Variants in ZBTB44 observed in about 807,000 individuals in gnomAD.
The protein encoded by ZBTB44 is zinc finger and BTB domain-containing protein 44.
In ZBTB44, 15 loss-of-function variants were observed where a neutral mutation model predicts 54.0. That is an observed-to-expected ratio of 0.28 (90% confidence interval 0.19 to 0.43). ZBTB44 has a LOEUF of 0.43. Ranked by LOEUF, ZBTB44 falls within the 20% of genes least tolerant of loss-of-function variation. The probability of loss-of-function intolerance (pLI) is 1.00; values close to 1 mark genes in which losing one functional copy is unlikely to be tolerated. For synonymous variants in ZBTB44, 230 were observed against 250.1 expected, an observed-to-expected ratio of 0.92 and a Z score of 0.76; for missense variants, 487 against 707.1, an observed-to-expected ratio of 0.69 and a Z score of 3.53.
intron 1 of ZBTB44, chr11:130,296,572 T>C (rs1941664789): frequency 3.2e-6 from 3 of 934,338 alleles, no homozygotes; most frequent in South Asian, 1.3e-5. Flanking sequence ...CTAAGGAATA[T>C]ATTCATCGTG....
chr11:130,244,772 G>A (rs1024423757), intron 2 of ZBTB44, among the ~76,000 whole-genome samples: 1 of 151,792 alleles, frequency 6.6e-6, no homozygotes, highest in Non-Finnish European at 1.5e-5. Context: ...ATGAACATAC[G>A]GGATGAAATT....
At chr11:130,281,634 A>G (rs960256278) in intron 1 of ZBTB44, among the ~76,000 whole-genome samples, 2 of 151,566 alleles carry the variant, frequency 1.3e-5, no homozygotes, top group African/African-American at 4.9e-5. Context: ...TCACTCTGTC[A>G]CCCCGGCTAG....
At chr11:130,262,650 C>G (rs1371330411) in intron 1 of ZBTB44, among the ~76,000 whole-genome samples, 4 of 151,852 alleles carry the variant, frequency 2.6e-5, no homozygotes, top group African/African-American at 9.7e-5. Context: ...ACTGAACAAT[C>G]CATTACATAA....
intron 1 of ZBTB44, among the ~76,000 whole-genome samples, chr11:130,278,728 T>C (rs1940289234): frequency 6.6e-6 from 1 of 152,208 alleles, no homozygotes. Context: ...TAGTGAATTT[T>C]CGGTTAATTA....
intron 3 of ZBTB44, chr11:130,239,567 T>C (rs796732967): frequency 7.2e-6 from 2 of 276,186 alleles, no homozygotes; most frequent in East Asian, 7.9e-5. Flanking sequence ...GGTTCATAGT[T>C]TGCCAACACT....
At chr11:130,255,816 A>G (rs113293000) in intron 2 of ZBTB44, among the ~76,000 whole-genome samples, 4 of 151,596 alleles carry the variant, frequency 2.6e-5, no homozygotes, top group African/African-American at 7.3e-5. Flanking sequence ...TCCTGGACAT[A>G]TACACCCTCC....
At chr11:130,246,437 T>G (rs1954653041) in intron 2 of ZBTB44, among the ~76,000 whole-genome samples, 1 of 152,166 alleles carries the variant, frequency 6.6e-6, no homozygotes, top group Non-Finnish European at 1.5e-5. Flanking sequence ...GGTCAGACAC[T>G]TTTCACCTTG....
intron 2 of ZBTB44, among the ~76,000 whole-genome samples, chr11:130,250,530 T>TC (rs1256829398): frequency 6.6e-6 from 1 of 152,038 alleles, no homozygotes; most frequent in Non-Finnish European, 1.5e-5. Context: ...ACAGGAGAGC[T>TC]CCGGCTGGCA....
In ZBTB44 at chr11:130,261,638, A is replaced by G. The variant is rs777932897; in HGVS notation, c.236T>C (p.Val79Ala). The change falls in exon 2 of 8, where the codon GTG becomes GCG. Residue 79 changes from valine (V) to alanine (A), a missense_variant. By Grantham distance (64) the Val-to-Ala change is moderately conservative. Around this residue, in one of 3 missense-constraint regions of ZBTB44, gnomAD observed 90 missense variants for 160.3 expected, o/e 0.56. Coordinates refer to ENST00000357899, the MANE Select transcript of ZBTB44 (RefSeq NM_001301098.2). This position sits in a 1 kb window ranked among gnomAD's most constrained non-coding sequence, Gnocchi z 4.8. ...TTCTAAAAGAGGTATAAAGCCAGTCACTGTAACATGATGCAGATCCAACAC... is the reference window on the plus strand; with the variant it reads ...TTCTAAAAGAGGTATAAAGCCAGTCGCTGTAACATGATGCAGATCCAACAC... ...KNVLDLHHVT[V>A]TGFIPLLEYA... 6.2e-7 allele frequency: 1 copy of G among 1,614,034 alleles called. No homozygotes were observed. The highest frequency in any genetic ancestry group is 8.5e-7 in the Non-Finnish European group (1 of 1,179,894).
At chr11:130,299,383 G>C (rs973052872) in intron 1 of ZBTB44, among the ~76,000 whole-genome samples, 1 of 151,818 alleles carries the variant, frequency 6.6e-6, no homozygotes, top group African/African-American at 2.4e-5. Context: ...AAGGAAACTG[G>C]AATATATTTT....
In ZBTB44 at chr11:130,314,605, T is replaced by C. The variant is rs1592098773; in HGVS notation, c.-287A>G. The C allele has an allele frequency of 7.3e-6, 1 of 136,384 alleles. No individual in the cohort carries two copies. The allele number at this position is 136,384 out of a possible 1,614,324, so 8.4% of individuals were successfully genotyped here. A position where few individuals can be genotyped will look rare whatever the true frequency, so the allele number is the denominator to read the frequency against. ...GCACAGCCACCGGCGTGCCCGCGAG[T>C]GGGAGTGCGAGGAGGCGGGGAGGGA... is the stretch of plus-strand genomic sequence containing the variant. On this transcript the variant is annotated 5_prime_UTR_variant, in exon 1 of 8. Coordinates refer to ENST00000357899, the MANE Select transcript of ZBTB44 (RefSeq NM_001301098.2).
intron 1 of ZBTB44, among the ~76,000 whole-genome samples, chr11:130,292,537 T>C (rs1271779677): frequency 6.6e-6 from 1 of 152,134 alleles, no homozygotes; most frequent in Non-Finnish European, 1.5e-5. Context: ...AAAAAATAAA[T>C]AAAAGTGTGC....
chr11:130,239,997 C>A (rs1334882140), intron 2 of ZBTB44, 101 bp from the exon 3 acceptor site: 2 of 723,914 alleles, frequency 2.8e-6, no homozygotes, highest in Non-Finnish European at 2.3e-6. Context: ...CATATATTAT[C>A]TAGTGTTCAT....
At chr11:130,265,276 G>A (rs1161885811) in intron 1 of ZBTB44, among the ~76,000 whole-genome samples, 1 of 152,032 alleles carries the variant, frequency 6.6e-6, no homozygotes, top group South Asian at 2.1e-4. Flanking sequence ...ACCCAGGCTG[G>A]AGTGCAGTGG....
chr11:130,261,680 T>C lies in ZBTB44; in HGVS notation c.194A>G (p.Glu65Gly), dbSNP rs761057682. Reference sequence around the variant, plus strand: ...ATCCAACACATTCTTGTTCTCATCCTCGGCTTGGCCTACAAGTTTGGTGCG... The same window carrying C: ...ATCCAACACATTCTTGTTCTCATCCCCGGCTTGGCCTACAAGTTTGGTGCG... ...FFRTKLVGQA[E>G]DENKNVLDLH... The change falls in exon 2 of 8, where the codon GAG (glutamate) becomes GGG (glycine). Residue 65 changes from glutamate to glycine, a missense_variant. Around this residue, in one of 3 missense-constraint regions of ZBTB44, gnomAD observed 90 missense variants for 160.3 expected, o/e 0.56. Transcript: ENST00000357899. The surrounding 1 kb of genome is among the most constrained non-coding windows in gnomAD (Gnocchi z 4.8). 6.2e-7 allele frequency: 1 copy of C among 1,614,060 alleles called. No homozygotes were observed. Among genetic ancestry groups the C allele is most frequent in the South Asian group, 1.1e-5 (1 of 91,084 alleles).
intron 5 of ZBTB44, among the ~76,000 whole-genome samples, 190 bp from the exon 6 acceptor site, chr11:130,234,463 A>C (rs1488655914): frequency 1.3e-5 from 2 of 152,210 alleles, no homozygotes; most frequent in Admixed American, 1.3e-4. Context: ...ATCCATTAAA[A>C]CCAAAATGTA....
chr11:130,268,097 CGAAA>C (rs1939391593), intron 1 of ZBTB44, among the ~76,000 whole-genome samples: 2 of 142,366 alleles, frequency 1.4e-5, no homozygotes, highest in Admixed American at 7.1e-5. Flanking sequence ...GAAATCCTCA[CGAAA>C]GAAAGATCCA....
chr11:130,264,604 G>A (rs536927003), intron 1 of ZBTB44, among the ~76,000 whole-genome samples: 39 of 152,282 alleles, frequency 2.6e-4, no homozygotes, highest in African/African-American at 8.2e-4. Context: ...TATATGGTAC[G>A]AAGTCTGATA....
At chr11:130,249,257 A>G (rs1386670303) in intron 2 of ZBTB44, among the ~76,000 whole-genome samples, 1 of 152,228 alleles carries the variant, frequency 6.6e-6, no homozygotes, top group Non-Finnish European at 1.5e-5. Context: ...GATTAAAATT[A>G]TAATTATTCA....
Sources: gnomAD v4.1 joint callset for allele counts (sites outside exome capture counted in the v4.1 genomes callset) on GRCh38, gnomAD v4.1.1 for gene constraint, gnomAD v4.1.1 regional missense constraint, Gnocchi (gnomAD v3.1) non-coding constraint, MANE v1.5 for transcripts, NCBI Gene and HGNC (gene_info 2026-07-23, HGNC 2026-07-21) for gene names.